FGF7: variants seen among roughly 807,000 people sequenced by gnomAD.
FGF7 encodes the protein fibroblast growth factor 7.
In FGF7, 6 loss-of-function variants were observed where a neutral mutation model predicts 20.5. The observed-to-expected ratio is 0.29, with a 90% CI of 0.16 to 0.58. FGF7 has a LOEUF of 0.58. FGF7 is among the 20% of genes least tolerant of loss of function. The pLI, the probability that FGF7 is intolerant of heterozygous loss-of-function variation, is 0.90. For missense variants in FGF7, 144 were observed against 228.8 expected (o/e 0.63, Z 2.39); for synonymous variants, 64 against 74.7 (o/e 0.86, Z 0.74).
At chr15:49,479,599 GTTTTTTTTTTTTTTT>G (rs56097665) in intron 2 of FGF7, among the ~76,000 whole-genome samples, 5 of 63,294 alleles carry the variant, frequency 7.9e-5, no homozygotes, top group Non-Finnish European at 8.5e-5. Flanking sequence ...TAATACCTCT[GTTTTTTTTTTTTTTT>G]TTTTTTTTTT....
At chr15:49,435,713 A>G (rs1485099419) in intron 2 of FGF7, among the ~76,000 whole-genome samples, 3 of 151,692 alleles carry the variant, frequency 2.0e-5, no homozygotes, top group South Asian at 2.1e-4. Context: ...GCATAAATCT[A>G]TATCATAGTT....
At chr15:49,431,123 TTAAG>T (rs1252352095) in intron 2 of FGF7, among the ~76,000 whole-genome samples, 2 of 151,814 alleles carry the variant, frequency 1.3e-5, no homozygotes, top group South Asian at 2.1e-4. Context: ...TTATGTATAC[TTAAG>T]TAATATGGAG....
rs566945198 is a variant in FGF7, at chr15:49,480,798, T to C, written c.287-2353T>C. On this transcript the variant is annotated intron_variant, in intron 2 of 3. Transcript: ENST00000267843. ...ACATCCAGCCATCCCCTTTGTAAAGTGCAGTAAAGAAACAGTGGGCAATAG... is the reference window on the plus strand; with the variant it reads ...ACATCCAGCCATCCCCTTTGTAAAGCGCAGTAAAGAAACAGTGGGCAATAG... Among the ~76,000 whole-genome samples, 134 of 152,146 alleles carry C rather than the reference T, an allele frequency of 8.8e-4. 5 individuals are homozygous for C. The South Asian group carries it at 0.027, about 30-fold the overall frequency.
chr15:49,470,157 A>G (rs2054609389), intron 2 of FGF7, among the ~76,000 whole-genome samples: 1 of 152,180 alleles, frequency 6.6e-6, no homozygotes, highest in African/African-American at 2.4e-5. Flanking sequence ...GGAATTCTAA[A>G]ATGTTACTGT....
intron 2 of FGF7, among the ~76,000 whole-genome samples, chr15:49,460,867 T>C (rs1352907724): frequency 1.3e-5 from 2 of 152,224 alleles, no homozygotes; most frequent in Non-Finnish European, 2.9e-5. Flanking sequence ...TTATGTTTTG[T>C]TTTGTCTTTT....
chr15:49,474,497 G>A (rs750469496), intron 2 of FGF7, among the ~76,000 whole-genome samples: 4 of 152,078 alleles, frequency 2.6e-5, no homozygotes, highest in Non-Finnish European at 5.9e-5. Flanking sequence ...CTGACAGACA[G>A]GTAAATCAAT....
chr15:49,449,993 T>A (rs907338140), intron 2 of FGF7, among the ~76,000 whole-genome samples: 1 of 152,108 alleles, frequency 6.6e-6, no homozygotes, highest in Admixed American at 6.6e-5. Context: ...TAGACTGTGA[T>A]GCGCCATTCA....
chr15:49,432,976 T>A (rs1013349428), intron 2 of FGF7, among the ~76,000 whole-genome samples: 1 of 151,620 alleles, frequency 6.6e-6, no homozygotes, highest in African/African-American at 2.4e-5. Context: ...ATTCTTACTG[T>A]ATATATCTAA....
chr15:49,441,118 T>C (rs1262516467), intron 2 of FGF7, among the ~76,000 whole-genome samples: 1 of 151,684 alleles, frequency 6.6e-6, no homozygotes, highest in African/African-American at 2.4e-5. Flanking sequence ...TGGGATTTGA[T>C]TGGGTAGAAC....
chr15:49,435,155 T>C (rs1053590670), intron 2 of FGF7, among the ~76,000 whole-genome samples: 3 of 151,492 alleles, frequency 2.0e-5, no homozygotes, highest in African/African-American at 7.3e-5. Context: ...ATGAATGAAA[T>C]ATTTTTTACT....
Position 49,484,340 on chromosome 15 carries a change from G to T in FGF7, c.421G>T (p.Glu141Ter). ...KECNEDCNFK[E>*]LILENHYNTY... is the part of the protein sequence containing the mutation. ...ATGCAATGAAGATTGTAACTTCAAA[G>T]AACTAATTCTGGAAAACCATTACAA... Residue 141 changes from glutamate (E) to a stop codon, truncating the protein, a stop_gained, in exon 4 of 4, where the codon GAA (glutamate) becomes TAA (stop). Coordinates refer to ENST00000267843, the MANE Select transcript of FGF7 (RefSeq NM_002009.4). LOFTEE classifies it high-confidence loss of function. 6.3e-7 allele frequency: 1 copy of T among 1,589,852 alleles called. No homozygotes were observed. Among genetic ancestry groups the T allele is most frequent in the Non-Finnish European group, 8.5e-7 (1 of 1,176,210 alleles).
intron 2 of FGF7, among the ~76,000 whole-genome samples, chr15:49,434,126 G>T (rs2050866810): frequency 6.6e-6 from 1 of 151,414 alleles, no homozygotes; most frequent in Admixed American, 6.6e-5. Flanking sequence ...GGAGTCTTTT[G>T]GTATCTTACG....
chr15:49,460,088 A>T (rs536397173), intron 2 of FGF7, among the ~76,000 whole-genome samples: 1 of 152,128 alleles, frequency 6.6e-6, no homozygotes, highest in African/African-American at 2.4e-5. Flanking sequence ...TTTTGTTAGC[A>T]CTGTGACAAC....
chr15:49,428,162 C>T (rs772776414), intron 2 of FGF7, among the ~76,000 whole-genome samples: 1 of 151,862 alleles, frequency 6.6e-6, no homozygotes, highest in Non-Finnish European at 1.5e-5. Flanking sequence ...GGGACAGAAG[C>T]TGCTACTAGA....
Position 49,424,319 on chromosome 15 carries a change from T to G in FGF7, c.22T>G (p.Trp8Gly). The G allele has an allele frequency of 6.2e-7, 1 of 1,613,510 alleles. No homozygotes were observed. Among genetic ancestry groups the G allele is most frequent in the Non-Finnish European group, 8.5e-7 (1 of 1,179,590 alleles). The change falls in exon 2 of 4, where the codon TGG (tryptophan) becomes GGG (glycine). Residue 8 changes from tryptophan (W) to glycine (G), a missense_variant. Physicochemically the swap from Trp to Gly is radical, Grantham distance 184. Transcript: ENST00000267843. MHKWILT[W>G]ILPTLLYRSC... ...TATAATGCACAAATGGATACTGACATGGATCCTGCCAACTTTGCTCTACAG... is the reference window on the plus strand; with the variant it reads ...TATAATGCACAAATGGATACTGACAGGGATCCTGCCAACTTTGCTCTACAG...
At chr15:49,457,298 G>GA (rs556272467) in intron 2 of FGF7, among the ~76,000 whole-genome samples, 2 of 151,956 alleles carry the variant, frequency 1.3e-5, no homozygotes, top group African/African-American at 4.8e-5. Context: ...AATAGAAATG[G>GA]AAAAAAATCA....
chr15:49,471,283 G>A (rs7167883), intron 2 of FGF7, among the ~76,000 whole-genome samples: 49,075 of 151,330 alleles, frequency 0.32, 8,681 homozygotes, highest in African/African-American at 0.45. Flanking sequence ...TCAGGAGTTC[G>A]AGACTAGCCT....
chr15:49,458,587 C>T (rs2053525618), intron 2 of FGF7, among the ~76,000 whole-genome samples: 1 of 152,036 alleles, frequency 6.6e-6, no homozygotes, highest in Admixed American at 6.6e-5. Flanking sequence ...TTACCATTGC[C>T]AAGCTCTTGT....
intron 2 of FGF7, among the ~76,000 whole-genome samples, chr15:49,451,659 C>G (rs2052755044): frequency 6.6e-6 from 1 of 152,082 alleles, no homozygotes; most frequent in Non-Finnish European, 1.5e-5. Flanking sequence ...AAACACAGCA[C>G]AAGCCAAACT....
Sources: gnomAD v4.1 joint callset for allele counts (sites outside exome capture counted in the v4.1 genomes callset) on GRCh38, gnomAD v4.1.1 for gene constraint, MANE v1.5 for transcripts, NCBI Gene and HGNC (gene_info 2026-07-23, HGNC 2026-07-21) for gene names.